TRPM6: variants seen among roughly 807,000 people sequenced by gnomAD.
TRPM6 encodes the protein channel kinase 2.
In TRPM6, 111 loss-of-function variants were observed where a neutral mutation model predicts 247.6. The observed-to-expected ratio is 0.45, with a 90% CI of 0.38 to 0.52. The LOEUF (loss-of-function observed/expected upper bound fraction) is 0.52, where lower values mean the gene tolerates loss of function less well. Ranked by LOEUF, TRPM6 falls within the 20% of genes least tolerant of loss-of-function variation. The probability of loss-of-function intolerance (pLI) is 0.00; values close to 1 mark genes in which losing one functional copy is unlikely to be tolerated. For synonymous variants in TRPM6, 892 were observed against 853.8 expected, an observed-to-expected ratio of 1.04 and a Z score of -0.78; for missense variants, 2,126 against 2,421.5, an observed-to-expected ratio of 0.88 and a Z score of 2.56.
intron 25 of TRPM6, among the ~76,000 whole-genome samples, chr9:74,767,016 T>C (rs1471663861): frequency 6.6e-6 from 1 of 152,312 alleles, no homozygotes; most frequent in South Asian, 2.1e-4. Flanking sequence ...CATTGACCAC[T>C]GCCTTCTGGT....
intron 24 of TRPM6, among the ~76,000 whole-genome samples, chr9:74,773,415 C>T (rs932403595): frequency 6.6e-6 from 1 of 152,160 alleles, no homozygotes; most frequent in East Asian, 1.9e-4. Context: ...ATTCAATGGC[C>T]AATCACAGCT....
At chr9:74,786,740 AAAATAAATAAAC>A (rs2118948128) in intron 20 of TRPM6, among the ~76,000 whole-genome samples, 1 of 152,296 alleles carries the variant, frequency 6.6e-6, no homozygotes, top group African/African-American at 2.4e-5. Context: ...GCTCTGTCTC[AAAATAAATAAAC>A]AAATAAATAA....
At chr9:74,876,018 G>C (rs1001849524) in intron 1 of TRPM6, among the ~76,000 whole-genome samples, 1 of 152,204 alleles carries the variant, frequency 6.6e-6, no homozygotes, top group Non-Finnish European at 1.5e-5. Flanking sequence ...AGAAAAGAAA[G>C]ATGTTTTCAT....
At chr9:74,763,232 C>CATT in intron 25 of TRPM6, 98 bp from the exon 26 acceptor site, 4 of 1,167,940 alleles carry the variant, frequency 3.4e-6, no homozygotes, top group Non-Finnish European at 5.0e-6. Flanking sequence ...GCTCCTGAGC[C>CATT]TCAGCTGCTT....
At chr9:74,797,932 C>A (rs192926840) in intron 17 of TRPM6, among the ~76,000 whole-genome samples, 1 of 152,146 alleles carries the variant, frequency 6.6e-6, no homozygotes, top group Non-Finnish European at 1.5e-5. Flanking sequence ...AGATCCATCT[C>A]CCATCCCACA....
At chr9:74,875,889 C>T (rs532817952) in intron 1 of TRPM6, among the ~76,000 whole-genome samples, 6 of 152,254 alleles carry the variant, frequency 3.9e-5, no homozygotes, top group African/African-American at 1.2e-4. Context: ...CTGTAAAGTA[C>T]CCTGTAAACT....
intron 18 of TRPM6, 31 bp from the exon 19 acceptor site, chr9:74,792,801 TC>T (rs773489121): frequency 2.9e-5 from 46 of 1,601,288 alleles, no homozygotes; most frequent in Non-Finnish European, 3.9e-5. Context: ...CATTTTCTTG[TC>T]AGCAGCTTAA....
chr9:74,828,211 C>G (rs1829414234), intron 6 of TRPM6, among the ~76,000 whole-genome samples: 1 of 152,040 alleles, frequency 6.6e-6, no homozygotes, highest in Non-Finnish European at 1.5e-5. Flanking sequence ...AAAAAATTGG[C>G]CAGGCATGGT....
At chr9:74,804,470 C>G (rs558455986) in intron 14 of TRPM6, 104 of 638,258 alleles carry the variant, frequency 1.6e-4, no homozygotes, top group Non-Finnish European at 2.7e-4. Context: ...TGATAAAAAC[C>G]ATAAGCTTGC....
intron 11 of TRPM6, among the ~76,000 whole-genome samples, chr9:74,815,088 A>G (rs1828880185): frequency 6.6e-6 from 1 of 152,218 alleles, no homozygotes; most frequent in Non-Finnish European, 1.5e-5. Context: ...TCCAATATTC[A>G]AATAATAGGA....
chr9:74,851,789 A>G (rs962200723), intron 3 of TRPM6, among the ~76,000 whole-genome samples: 1 of 147,430 alleles, frequency 6.8e-6, no homozygotes, highest in African/African-American at 2.5e-5. Context: ...ACATATATAT[A>G]TAATATATAT....
intron 5 of TRPM6, among the ~76,000 whole-genome samples, chr9:74,838,987 G>T (rs1356668747): frequency 6.6e-6 from 1 of 151,974 alleles, no homozygotes; most frequent in Admixed American, 6.6e-5. Context: ...ACAGGCACCT[G>T]TAATCCCAGC....
chr9:74,829,736 T>C (rs576088624), intron 6 of TRPM6, among the ~76,000 whole-genome samples: 2 of 152,332 alleles, frequency 1.3e-5, no homozygotes, highest in East Asian at 3.9e-4. Context: ...ATATTTTGTA[T>C]TTATTTTAAA....
At chr9:74,860,679 G>C (rs1356773724) in intron 1 of TRPM6, among the ~76,000 whole-genome samples, 3 of 152,000 alleles carry the variant, frequency 2.0e-5, no homozygotes, top group Non-Finnish European at 4.4e-5. Context: ...GAACTTAAAA[G>C]GAACTAAATG....
chr9:74,790,224 T>C (rs1827855153), intron 19 of TRPM6, among the ~76,000 whole-genome samples: 1 of 152,172 alleles, frequency 6.6e-6, no homozygotes, highest in South Asian at 2.1e-4. Flanking sequence ...GCAGTCATAA[T>C]GGATATTAGT....
At chr9:74,867,953 G>C (rs1830904257) in intron 1 of TRPM6, among the ~76,000 whole-genome samples, 1 of 151,826 alleles carries the variant, frequency 6.6e-6, no homozygotes, top group Non-Finnish European at 1.5e-5. Flanking sequence ...AGGAGTTCCA[G>C]ACCAGCCTGG....
intron 24 of TRPM6, among the ~76,000 whole-genome samples, chr9:74,772,218 G>A (rs1827072095): frequency 6.6e-6 from 1 of 152,202 alleles, no homozygotes; most frequent in Non-Finnish European, 1.5e-5. Flanking sequence ...GGTCAAGGCT[G>A]CAGGAGCTGT....
At position 74,750,681 on chromosome 9, in the gene TRPM6, G is replaced by T. The variant is rs926325468; in HGVS notation, c.5040C>A (p.Asn1680Lys). Reference protein sequence around the residue: ...KNSLWNSRSTNLNRNSLLKSS... With the variant: ...KNSLWNSRSTKLNRNSLLKSS... ...ATACTCACAGGGAGTTCCTATTGAG[G>T]TTGGTGCTCCTGGAATTCCACAAAG... is the stretch of plus-strand genomic sequence containing the variant. Residue 1680 changes from asparagine (N) to lysine (K), a missense_variant, in exon 30 of 39, where the codon AAC (asparagine) becomes AAA (lysine). Asn to Lys is a moderately conservative substitution (Grantham distance 94). Around this residue, in one of 3 missense-constraint regions of TRPM6, gnomAD observed 717 missense variants for 715.9 expected, o/e 1.00. Coordinates refer to ENST00000360774, the MANE Select transcript of TRPM6 (RefSeq NM_017662.5). 6.2e-7 allele frequency: 1 copy of T among 1,613,858 alleles called. No homozygotes were observed. The highest frequency in any genetic ancestry group is 1.1e-5 in the South Asian group (1 of 91,082).
chr9:74,833,456 G>A (rs959445200), intron 6 of TRPM6, among the ~76,000 whole-genome samples: 1 of 152,210 alleles, frequency 6.6e-6, no homozygotes, highest in Admixed American at 6.5e-5. Flanking sequence ...AATTAAGAAT[G>A]TCCCTTGTTT....
Sources: allele counts gnomAD v4.1 joint callset (sites outside exome capture counted in the v4.1 genomes callset), GRCh38; gene constraint gnomAD v4.1.1; regional missense constraint gnomAD v4.1.1; transcripts MANE v1.5; gene names NCBI Gene and HGNC (gene_info 2026-07-23, HGNC 2026-07-21).